RDX: variants seen among roughly 807,000 people sequenced by gnomAD.
RDX encodes radixin, also known as deafness, autosomal recessive 24.
A neutral mutation model predicts 83.7 loss-of-function variants in RDX; 32 were observed. The observed-to-expected ratio is 0.38, with a 90% CI of 0.29 to 0.51. RDX has a LOEUF of 0.51. RDX is among the 20% of genes least tolerant of loss of function. The pLI is 0.87. For synonymous variants in RDX, 229 were observed against 222.7 expected (o/e 1.03, Z -0.25); for missense variants, 600 against 689.9 (o/e 0.87, Z 1.46).
At chr11:110,270,587 G>T (rs1312580170) in intron 3 of RDX, among the ~76,000 whole-genome samples, 1 of 152,252 alleles carries the variant, frequency 6.6e-6, no homozygotes, top group Non-Finnish European at 1.5e-5. Flanking sequence ...AACCTCTGAA[G>T]AAGTAATGTT....
intron 14 of RDX, among the ~76,000 whole-genome samples, chr11:110,222,583 T>C (rs1179934947): frequency 6.6e-6 from 1 of 151,958 alleles, no homozygotes; most frequent in Non-Finnish European, 1.5e-5. Context: ...GATCATAAGG[T>C]CAGGAAATCG....
chr11:110,278,239 T>TA (rs1860596347), intron 2 of RDX, among the ~76,000 whole-genome samples: 1 of 151,986 alleles, frequency 6.6e-6, no homozygotes, highest in Non-Finnish European at 1.5e-5. Flanking sequence ...CTTTTTTTTT[T>TA]AATTGCTTTA....
At chr11:110,178,941 C>G (rs1862828953) in intron 15 of RDX, among the ~76,000 whole-genome samples, 1 of 152,208 alleles carries the variant, frequency 6.6e-6, no homozygotes, top group Non-Finnish European at 1.5e-5. Context: ...GCCACCAGCC[C>G]TGCTGATTTC....
At chr11:110,261,753 T>A (rs1297896398) in intron 5 of RDX, among the ~76,000 whole-genome samples, 1 of 152,212 alleles carries the variant, frequency 6.6e-6, no homozygotes, top group Non-Finnish European at 1.5e-5. Context: ...AATCTTGAAA[T>A]AGGCATTTGC....
intron 14 of RDX, among the ~76,000 whole-genome samples, chr11:110,206,080 AC>A (rs1471918044): frequency 5.3e-5 from 8 of 151,858 alleles, no homozygotes; most frequent in African/African-American, 1.7e-4. Flanking sequence ...AAATGGTGAA[AC>A]CCTGTCTCTA....
intron 12 of RDX, among the ~76,000 whole-genome samples, chr11:110,234,652 T>C (rs1864769018): frequency 6.6e-6 from 1 of 152,204 alleles, no homozygotes; most frequent in South Asian, 2.1e-4. Flanking sequence ...AGTTTATGTG[T>C]CTCTAAATTT....
Position 110,233,353 on chromosome 11 carries a change from C to T in RDX, c.1471G>A (p.Glu491Lys). The change falls in exon 13 of 14, where the codon GAG becomes AAG. Residue 491 changes from glutamate to lysine, a missense_variant. Coordinates refer to ENST00000645495, the MANE Select transcript of RDX (RefSeq NM_002906.4). ...PTENEHDEHD[E>K]NNAEASAELS... ...TCAGCACTAGCTTCAGCATTATTCTCATCGTGTTCATCATGTTCGTTTTCT... is the reference window on the plus strand; with the variant it reads ...TCAGCACTAGCTTCAGCATTATTCTTATCGTGTTCATCATGTTCGTTTTCT... 1 of 1,614,138 alleles carries T rather than the reference C, an allele frequency of 6.2e-7. No individual in the cohort carries two copies. The highest frequency in any genetic ancestry group is 1.1e-5 in the South Asian group (1 of 91,082).
chr11:110,233,655 C>A, intron 12 of RDX, 176 bp from the exon 13 acceptor site: 1 of 669,388 alleles, frequency 1.5e-6, no homozygotes, highest in Admixed American at 2.8e-5. Flanking sequence ...AAATCAAAAA[C>A]ATTATTATGC....
chr11:110,263,099 AC>A lies in RDX; in HGVS notation c.467+860del, dbSNP rs572168059. ...AGACCAGCCTGGCCAACATAGTGATACCCTGTCTCTGCTAAAAATACAAAAA... is the reference window on the plus strand; with the variant it reads ...AGACCAGCCTGGCCAACATAGTGATACCTGTCTCTGCTAAAAATACAAAAA... On this transcript the variant is annotated intron_variant, in intron 5 of 13. Coordinates refer to ENST00000645495, the MANE Select transcript of RDX (RefSeq NM_002906.4). Among the ~76,000 whole-genome samples, 166 of 152,250 alleles carry A rather than the reference AC, an allele frequency of 1.1e-3. 2 individuals carry two copies. Among genetic ancestry groups the A allele is most frequent in the African/African-American group, 3.6e-3 (148 of 41,550 alleles).
At chr11:110,280,556 T>C (rs1860718739) in intron 1 of RDX, among the ~76,000 whole-genome samples, 1 of 152,274 alleles carries the variant, frequency 6.6e-6, no homozygotes, top group Non-Finnish European at 1.5e-5. Flanking sequence ...GCTTATTTTT[T>C]CTTCTTGTAA....
chr11:110,293,668 C>T (rs933422697), intron 1 of RDX, among the ~76,000 whole-genome samples: 3 of 152,156 alleles, frequency 2.0e-5, no homozygotes, highest in Non-Finnish European at 4.4e-5. Context: ...TCTTGTACCC[C>T]AGGGGTAGTA....
chr11:110,287,761 C>G (rs1357142229), intron 1 of RDX, among the ~76,000 whole-genome samples: 1 of 152,198 alleles, frequency 6.6e-6, no homozygotes, highest in African/African-American at 2.4e-5. Flanking sequence ...TGCCCTCCCC[C>G]TTCCTGCCCA....
chr11:110,219,529 C>A (rs1864173447), intron 14 of RDX, among the ~76,000 whole-genome samples: 2 of 152,204 alleles, frequency 1.3e-5, no homozygotes, highest in South Asian at 4.1e-4. Context: ...TCCAGGCAAT[C>A]CTGTGGGTGG....
At chr11:110,273,668 G>C (rs1344964911) in intron 2 of RDX, among the ~76,000 whole-genome samples, 8 of 152,148 alleles carry the variant, frequency 5.3e-5, no homozygotes, top group Non-Finnish European at 1.5e-5. Flanking sequence ...TTTTACCACA[G>C]AATAGCATCT....
At chr11:110,287,701 G>A (rs1247225998) in intron 1 of RDX, among the ~76,000 whole-genome samples, 1 of 152,132 alleles carries the variant, frequency 6.6e-6, no homozygotes, top group Non-Finnish European at 1.5e-5. Flanking sequence ...GGGAGCATCT[G>A]TAGAATGCTC....
At chr11:110,189,466 T>G (rs1863063583) in intron 15 of RDX, among the ~76,000 whole-genome samples, 1 of 152,058 alleles carries the variant, frequency 6.6e-6, no homozygotes, top group African/African-American at 2.4e-5. Flanking sequence ...GGCAGAAAAC[T>G]AAAAAATTTT....
At chr11:110,239,993 G>C (rs1865018626) in intron 10 of RDX, among the ~76,000 whole-genome samples, 1 of 152,122 alleles carries the variant, frequency 6.6e-6, no homozygotes, top group Non-Finnish European at 1.5e-5. Flanking sequence ...AATTACCATA[G>C]TATCCAGCAA....
At chr11:110,257,235 C>G (rs1322761541) in intron 7 of RDX, among the ~76,000 whole-genome samples, 1 of 151,344 alleles carries the variant, frequency 6.6e-6, no homozygotes, top group Non-Finnish European at 1.5e-5. Flanking sequence ...TGGTCAATTT[C>G]AAGATATAAT....
chr11:110,186,990 C>T (rs56851903), intron 15 of RDX, among the ~76,000 whole-genome samples: 6,324 of 152,270 alleles, frequency 0.042, 438 homozygotes, highest in African/African-American at 0.14. Context: ...CAGCAGTAGG[C>T]ACTGGAACTG....
Sources: allele counts gnomAD v4.1 joint callset (sites outside exome capture counted in the v4.1 genomes callset), GRCh38; gene constraint gnomAD v4.1.1; transcripts MANE v1.5; gene names NCBI Gene and HGNC (gene_info 2026-07-23, HGNC 2026-07-21).